The following AKAP7 variants were observed in gnomAD, a reference collection of about 807,000 sequenced individuals.
AKAP7 encodes A-kinase anchoring protein 7.
AKAP7 carries 39 observed loss-of-function variants against 39.5 expected under a neutral mutation model. The observed-to-expected ratio is 0.99, with a 90% confidence interval of 0.76 to 1.29. AKAP7 has a LOEUF of 1.29. AKAP7 is among the 50% of genes most tolerant of loss of function. The probability of loss-of-function intolerance (pLI) is 0.00; values close to 1 mark genes in which losing one functional copy is unlikely to be tolerated. For synonymous variants in AKAP7, 140 were observed against 139.1 expected, an observed-to-expected ratio of 1.01 and a Z score of -0.05; for missense variants, 414 against 407.7, an observed-to-expected ratio of 1.02 and a Z score of -0.13.
intron 7 of AKAP7, among the ~76,000 whole-genome samples, chr6:131,258,927 G>A (rs1488777466): frequency 1.3e-5 from 2 of 152,086 alleles, no homozygotes; most frequent in East Asian, 1.9e-4. Flanking sequence ...GATTGACAGA[G>A]GATCTCATAT....
chr6:131,143,329 C>T (rs1001835142), intron 1 of AKAP7, among the ~76,000 whole-genome samples: 7 of 152,152 alleles, frequency 4.6e-5, no homozygotes, highest in African/African-American at 1.7e-4. Context: ...GGGCAGATCT[C>T]TCATGAATGC....
intron 7 of AKAP7, among the ~76,000 whole-genome samples, chr6:131,222,530 A>G (rs1809799465): frequency 6.6e-6 from 1 of 152,160 alleles, no homozygotes; most frequent in Admixed American, 6.5e-5. Context: ...CATCTCAAAA[A>G]AAAAGAAAAA....
At chr6:131,229,089 C>G (rs1452256908) in intron 7 of AKAP7, among the ~76,000 whole-genome samples, 1 of 152,022 alleles carries the variant, frequency 6.6e-6, no homozygotes, top group Non-Finnish European at 1.5e-5. Context: ...TAAAGTAGCC[C>G]CTTTCTTCCA....
intron 7 of AKAP7, among the ~76,000 whole-genome samples, chr6:131,243,958 A>G (rs181458885): frequency 1.6e-4 from 25 of 152,030 alleles, no homozygotes; most frequent in African/African-American, 5.3e-4. Context: ...GTCTGATAAT[A>G]CAAATACTGG....
intron 3 of AKAP7, chr6:131,164,497 C>A: frequency 2.2e-6 from 1 of 452,992 alleles, no homozygotes; most frequent in East Asian, 7.0e-5. Context: ...ATTTGGACTT[C>A]TTTGCAACTC....
intron 5 of AKAP7, among the ~76,000 whole-genome samples, chr6:131,172,407 T>C (rs1804159953): frequency 6.6e-6 from 1 of 152,112 alleles, no homozygotes; most frequent in Admixed American, 6.5e-5. Context: ...TGGAGTGCAG[T>C]GGTGCAATCA....
At chr6:131,259,144 G>C (rs1164679112) in intron 7 of AKAP7, among the ~76,000 whole-genome samples, 1 of 152,202 alleles carries the variant, frequency 6.6e-6, no homozygotes, top group Non-Finnish European at 1.5e-5. Flanking sequence ...TCTCATATCT[G>C]ACTGTTTAAG....
chr6:131,245,243 CTTTTTTT>C (rs1240021057), intron 7 of AKAP7, among the ~76,000 whole-genome samples: 2 of 135,228 alleles, frequency 1.5e-5, no homozygotes, highest in African/African-American at 5.4e-5. Flanking sequence ...GAGTTGAATT[CTTTTTTT>C]TTTTTTTTTT....
chr6:131,197,755 T>A (rs1192633949), intron 5 of AKAP7, among the ~76,000 whole-genome samples: 1 of 152,130 alleles, frequency 6.6e-6, no homozygotes, highest in East Asian at 1.9e-4. Flanking sequence ...CTCTACTTGT[T>A]GGGGTGATCA....
chr6:131,235,195 A>G (rs1382205862), intron 7 of AKAP7, among the ~76,000 whole-genome samples: 3 of 152,116 alleles, frequency 2.0e-5, no homozygotes, highest in Non-Finnish European at 4.4e-5. Context: ...GCTGAGAATG[A>G]TGGTTTCCAG....
At chr6:131,274,966 G>C (rs372452813) in intron 7 of AKAP7, among the ~76,000 whole-genome samples, 6 of 152,062 alleles carry the variant, frequency 3.9e-5, no homozygotes, top group Admixed American at 2.6e-4. Context: ...AACTCCACTA[G>C]ACCTTGAGTG....
intron 5 of AKAP7, among the ~76,000 whole-genome samples, chr6:131,196,987 T>A (rs1270947708): frequency 1.3e-5 from 2 of 152,136 alleles, no homozygotes; most frequent in Non-Finnish European, 2.9e-5. Context: ...TCTATTTAAT[T>A]TCAACCCACA....
chr6:131,236,704 T>C (rs1811094741), intron 7 of AKAP7, among the ~76,000 whole-genome samples: 1 of 152,218 alleles, frequency 6.6e-6, no homozygotes, highest in African/African-American at 2.4e-5. Flanking sequence ...TGGCTCTCTG[T>C]TTGTCTGTTA....
chr6:131,243,005 T>A (rs1811738252), intron 7 of AKAP7, among the ~76,000 whole-genome samples: 1 of 151,704 alleles, frequency 6.6e-6, no homozygotes, highest in Admixed American at 6.6e-5. Flanking sequence ...AGACTACCAT[T>A]TTTTAGCTGC....
intron 2 of AKAP7, among the ~76,000 whole-genome samples, chr6:131,151,120 G>A (rs1801874953): frequency 6.6e-6 from 1 of 151,910 alleles, no homozygotes; most frequent in African/African-American, 2.4e-5. Flanking sequence ...TCAGCCCACT[G>A]CAACCTCTGC....
At chr6:131,224,028 T>C (rs1809935144) in intron 7 of AKAP7, among the ~76,000 whole-genome samples, 1 of 152,206 alleles carries the variant, frequency 6.6e-6, no homozygotes, top group South Asian at 2.1e-4. Context: ...TTTTGCCTTT[T>C]TCAAACGCTG....
chr6:131,203,006 A>AGCTTTTGATGTTCAGTAAATGCCATATAT (rs1807749019), intron 6 of AKAP7, among the ~76,000 whole-genome samples: 1 of 152,068 alleles, frequency 6.6e-6, no homozygotes, highest in Admixed American at 6.6e-5. Context: ...CTAGGACCTA[A>AGCTTTTGATGTTCAGTAAATGCCATATAT]GCTTTTGATG....
chr6:131,205,973 T>C (rs1397826275), intron 6 of AKAP7, among the ~76,000 whole-genome samples: 1 of 152,228 alleles, frequency 6.6e-6, no homozygotes, highest in Admixed American at 6.5e-5. Context: ...TTTTGTACGG[T>C]ATCTTTTTGG....
upstream of AKAP7, among the ~76,000 whole-genome samples, chr6:131,134,257 C>A (rs1800396011): frequency 6.6e-6 from 1 of 152,162 alleles, no homozygotes; most frequent in Non-Finnish European, 1.5e-5. Context: ...CAAGCGTGAG[C>A]CACTGGGCCC....
Sources: allele counts gnomAD v4.1 joint callset (sites outside exome capture counted in the v4.1 genomes callset), GRCh38; gene constraint gnomAD v4.1.1; transcripts MANE v1.5; gene names NCBI Gene and HGNC (gene_info 2026-07-23, HGNC 2026-07-21).